KCNH7: variants seen among roughly 807,000 people sequenced by gnomAD.
The protein encoded by KCNH7 is voltage-gated inwardly rectifying potassium channel KCNH7.
KCNH7 carries 49 observed loss-of-function variants against 120.8 expected under a neutral mutation model. The ratio of observed to expected loss-of-function variants is 0.41; its 90% CI spans 0.32 to 0.51. The LOEUF (loss-of-function observed/expected upper bound fraction) is 0.51. KCNH7 is among the 20% of genes least tolerant of loss of function. The pLI is 0.38. For missense variants in KCNH7, 1,097 were observed against 1,446.6 expected (o/e 0.76, Z 3.92); for synonymous variants, 547 against 516.1 (o/e 1.06, Z -0.81).
intron 14 of KCNH7, among the ~76,000 whole-genome samples, chr2:162,376,614 G>A (rs1031946002): frequency 1.3e-4 from 20 of 151,900 alleles, no homozygotes; most frequent in African/African-American, 4.8e-4. Flanking sequence ...TACCTGCCTC[G>A]GCCTTTCAAA....
At chr2:162,731,007 G>GA (rs1259977954) in intron 2 of KCNH7, among the ~76,000 whole-genome samples, 2 of 151,708 alleles carry the variant, frequency 1.3e-5, no homozygotes, top group South Asian at 2.1e-4. Context: ...AAGTATAAGA[G>GA]AAAAAATCTT....
At chr2:162,627,316 T>C (rs1683595541) in intron 2 of KCNH7, among the ~76,000 whole-genome samples, 1 of 152,180 alleles carries the variant, frequency 6.6e-6, no homozygotes, top group South Asian at 2.1e-4. Context: ...GTTGAGATTG[T>C]GAAAATAGCA....
intron 6 of KCNH7, among the ~76,000 whole-genome samples, chr2:162,493,930 C>T (rs1172047163): frequency 1.3e-5 from 2 of 152,120 alleles, no homozygotes; most frequent in Non-Finnish European, 2.9e-5. Context: ...TGTGTGTGAA[C>T]ATATTGACCA....
chr2:162,540,497 A>G (rs1553490278), intron 2 of KCNH7, among the ~76,000 whole-genome samples: 1 of 152,134 alleles, frequency 6.6e-6, no homozygotes, highest in Non-Finnish European at 1.5e-5. Context: ...TTTTACAATA[A>G]GATGATGGGA....
intron 6 of KCNH7, among the ~76,000 whole-genome samples, chr2:162,481,924 T>C (rs7592789): frequency 0.064 from 9,727 of 152,188 alleles, 1,007 homozygotes; most frequent in African/African-American, 0.22. Flanking sequence ...AATAAACTCA[T>C]TATACAGACA....
chr2:162,439,015 G>A (rs182862193), intron 7 of KCNH7, among the ~76,000 whole-genome samples: 59 of 152,106 alleles, frequency 3.9e-4, no homozygotes, highest in African/African-American at 1.3e-3. Context: ...AAGTGAAACA[G>A]GACCAACAAC....
At chr2:162,593,169 A>C (rs1448588395) in intron 2 of KCNH7, among the ~76,000 whole-genome samples, 5 of 152,130 alleles carry the variant, frequency 3.3e-5, no homozygotes, top group Non-Finnish European at 7.4e-5. Context: ...TCGAGGGTAT[A>C]TAAAAAACAA....
chr2:162,536,966 G>C lies in KCNH7; in HGVS notation c.422C>G (p.Pro141Arg). ...TGGTAATATTGGGTTTACCCTCTCT[G>C]GGGTGGCAGCGTTTTCATTATCCGT... is the stretch of plus-strand genomic sequence containing the variant. ...YVTDNENAAT[P>R]ERVNPILPIK... The change falls in exon 3 of 16, where the codon CCA becomes CGA. Residue 141 changes from proline (P) to arginine (R), a missense_variant. Coordinates refer to ENST00000332142, the MANE Select transcript of KCNH7 (RefSeq NM_033272.4). 1 of 1,612,790 alleles carries C rather than the reference G, an allele frequency of 6.2e-7. No homozygotes were observed. Among genetic ancestry groups the C allele is most frequent in the Non-Finnish European group, 8.5e-7 (1 of 1,179,156 alleles).
intron 2 of KCNH7, among the ~76,000 whole-genome samples, chr2:162,645,951 A>G (rs1684345272): frequency 6.6e-6 from 1 of 152,190 alleles, no homozygotes; most frequent in Non-Finnish European, 1.5e-5. Context: ...AGCCAGTCAC[A>G]GTTATTTGCC....
intron 2 of KCNH7, among the ~76,000 whole-genome samples, chr2:162,726,815 T>C (rs971615957): frequency 6.6e-6 from 1 of 152,196 alleles, no homozygotes; most frequent in Admixed American, 6.5e-5. Context: ...TTAATGGCTT[T>C]AATAGTTTCC....
chr2:162,747,014 GA>G (rs1254254098), intron 2 of KCNH7, among the ~76,000 whole-genome samples: 5 of 151,870 alleles, frequency 3.3e-5, no homozygotes, highest in African/African-American at 4.8e-5. Context: ...TAGCAAAGAA[GA>G]AAAAAAGTAT....
chr2:162,801,017 C>A lies in KCNH7; in HGVS notation c.307+35520G>T, dbSNP rs951330690. 2.0e-5 allele frequency among the ~76,000 whole-genome samples: 3 copies of A among 151,848 alleles called. No individual in the cohort carries two copies. The East Asian group carries it at 5.8e-4, about 29-fold the overall frequency. On this transcript the variant is annotated intron_variant, in intron 2 of 15. Coordinates refer to ENST00000332142, the MANE Select transcript of KCNH7 (RefSeq NM_033272.4). Reference sequence around the variant, plus strand: ...TACATACAAATATTGACATTTATTTCACATTTTACATAAAATTCATGTTTT... The same window carrying A: ...TACATACAAATATTGACATTTATTTAACATTTTACATAAAATTCATGTTTT...
intron 1 of KCNH7, among the ~76,000 whole-genome samples, chr2:162,837,457 A>G (rs1196519154): frequency 6.6e-6 from 1 of 152,200 alleles, no homozygotes; most frequent in Non-Finnish European, 1.5e-5. Context: ...TAGTAGCAGG[A>G]ATTCTTAATA....
chr2:162,434,623 T>C (rs1299672318), intron 8 of KCNH7, among the ~76,000 whole-genome samples: 2 of 151,868 alleles, frequency 1.3e-5, no homozygotes, highest in African/African-American at 4.8e-5. Flanking sequence ...CTTGACATAA[T>C]GCCACAGGAA....
chr2:162,693,332 A>G (rs540903217), intron 2 of KCNH7, among the ~76,000 whole-genome samples: 3 of 152,208 alleles, frequency 2.0e-5, no homozygotes, highest in African/African-American at 7.2e-5. Context: ...GGAAGATAAG[A>G]GGTTATAATG....
chr2:162,677,456 C>T (rs373495969), intron 2 of KCNH7, among the ~76,000 whole-genome samples: 6 of 151,418 alleles, frequency 4.0e-5, no homozygotes, highest in South Asian at 2.1e-4. Flanking sequence ...TCTTTTGTGC[C>T]GGCTTCTTTT....
At chr2:162,720,173 T>C (rs751899423) in intron 2 of KCNH7, among the ~76,000 whole-genome samples, 4 of 151,892 alleles carry the variant, frequency 2.6e-5, no homozygotes, top group African/African-American at 9.7e-5. Flanking sequence ...ACAGCCCTAG[T>C]GAAGAAGATT....
intron 2 of KCNH7, among the ~76,000 whole-genome samples, chr2:162,803,625 T>C (rs1427938805): frequency 1.3e-5 from 2 of 151,804 alleles, no homozygotes; most frequent in Admixed American, 1.3e-4. Flanking sequence ...AGGCTAATGA[T>C]CTGGCAGTCA....
chr2:162,420,513 C>T (rs1213790311), intron 9 of KCNH7, among the ~76,000 whole-genome samples: 1 of 152,162 alleles, frequency 6.6e-6, no homozygotes, highest in African/African-American at 2.4e-5. Context: ...ATACTTGTTC[C>T]CACAGTGCTT....
Sources: allele counts gnomAD v4.1 joint callset (sites outside exome capture counted in the v4.1 genomes callset), GRCh38; gene constraint gnomAD v4.1.1; transcripts MANE v1.5; gene names NCBI Gene and HGNC (gene_info 2026-07-23, HGNC 2026-07-21).